The following ALOX5 variants were observed in gnomAD, a reference collection of about 807,000 sequenced individuals.
ALOX5 encodes the protein arachidonate 5-lipoxygenase, also known as polyunsaturated fatty acid 5-lipoxygenase.
A neutral mutation model predicts 87.9 loss-of-function variants in ALOX5; 64 were observed. That is an observed-to-expected ratio of 0.73 (90% confidence interval 0.60 to 0.90). The LOEUF (loss-of-function observed/expected upper bound fraction) is 0.90, where lower values mean the gene tolerates loss of function less well. ALOX5 is among the 40% of genes least tolerant of loss of function. The pLI, the probability that ALOX5 is intolerant of heterozygous loss-of-function variation, is 0.00. For synonymous variants in ALOX5, 388 were observed against 355.1 expected, an observed-to-expected ratio of 1.09 and a Z score of -1.04; for missense variants, 822 against 907.5, an observed-to-expected ratio of 0.91 and a Z score of 1.21.
intron 6 of ALOX5, chr10:45,428,307 CTCTT>C (rs1841800945): frequency 4.5e-6 from 2 of 448,546 alleles, no homozygotes; most frequent in Non-Finnish European, 8.0e-6. Flanking sequence ...TTCACCTAAC[CTCTT>C]TCTTCTTAGT....
intron 7 of ALOX5, among the ~76,000 whole-genome samples, chr10:45,429,562 G>T (rs1479753161): frequency 6.6e-6 from 1 of 152,194 alleles, no homozygotes; most frequent in African/African-American, 2.4e-5. Flanking sequence ...GAAAACTGCT[G>T]CATATTTCAA....
intron 4 of ALOX5, among the ~76,000 whole-genome samples, chr10:45,419,587 T>C (rs1339638564): frequency 1.3e-5 from 2 of 152,166 alleles, no homozygotes; most frequent in Admixed American, 6.5e-5. Context: ...TGAAGGGGGA[T>C]GATCGGTAGG....
intron 4 of ALOX5, 130 bp downstream of exon 4, chr10:45,412,443 T>C (rs1377993973): frequency 1.6e-6 from 2 of 1,253,516 alleles, no homozygotes; most frequent in East Asian, 2.4e-5. Flanking sequence ...AACGCTTTGA[T>C]GATATGTTGG....
chr10:45,375,880 C>T (rs892125880), intron 1 of ALOX5, among the ~76,000 whole-genome samples: 3 of 152,216 alleles, frequency 2.0e-5, no homozygotes, highest in Admixed American at 6.5e-5. Flanking sequence ...GTTAATGTGT[C>T]GTCCATTTAG....
intron 7 of ALOX5, among the ~76,000 whole-genome samples, chr10:45,436,280 GT>G (rs1220327486): frequency 2.6e-5 from 4 of 152,112 alleles, no homozygotes; most frequent in Non-Finnish European, 4.4e-5. Flanking sequence ...GTCAATTTTT[GT>G]TTTTGTTGCA....
intron 3 of ALOX5, among the ~76,000 whole-genome samples, chr10:45,397,372 C>T (rs935998214): frequency 2.6e-5 from 4 of 152,170 alleles, no homozygotes; most frequent in Non-Finnish European, 4.4e-5. Context: ...AGCAAGACTC[C>T]GTCCCCCCAC....
In ALOX5 at chr10:45,391,223, C is replaced by T. The variant is rs573343504; in HGVS notation, c.350-4632C>T. On this transcript the variant is annotated intron_variant, in intron 2 of 13. Transcript: ENST00000374391. ...TTCTCCTGCCTCAGCCTGCCGAGTG[C>T]CTGCGATTGCAGGTGCGCACCGCCA... 1.2e-3 allele frequency among the ~76,000 whole-genome samples: 188 copies of T among 152,178 alleles called. 1 individual carries two copies. In the South Asian group the frequency reaches 0.038, roughly 30 times the overall value.
intron 3 of ALOX5, among the ~76,000 whole-genome samples, chr10:45,399,897 C>G (rs1840639041): frequency 6.6e-6 from 1 of 152,112 alleles, no homozygotes; most frequent in African/African-American, 2.4e-5. Context: ...TGAAAATATG[C>G]TCAACATTAT....
intron 5 of ALOX5, 119 bp from the exon 6 acceptor site, chr10:45,424,841 G>C: frequency 8.0e-7 from 1 of 1,253,506 alleles, no homozygotes; most frequent in South Asian, 1.4e-5. Context: ...TGCCCATCCA[G>C]GGAGCACTCG....
chr10:45,388,214 C>T (rs1157252391), intron 2 of ALOX5, among the ~76,000 whole-genome samples: 2 of 152,240 alleles, frequency 1.3e-5, no homozygotes, highest in African/African-American at 4.8e-5. Flanking sequence ...GGGTGGAGCC[C>T]ATCGCAGCTC....
At chr10:45,417,347 C>G (rs1316519107) in intron 4 of ALOX5, among the ~76,000 whole-genome samples, 1 of 152,162 alleles carries the variant, frequency 6.6e-6, no homozygotes, top group Non-Finnish European at 1.5e-5. Context: ...AAGTCCAGCA[C>G]AGTTATATTT....
At chr10:45,435,945 AT>A (rs1216212079) in intron 7 of ALOX5, among the ~76,000 whole-genome samples, 1 of 151,968 alleles carries the variant, frequency 6.6e-6, no homozygotes, top group South Asian at 2.1e-4. Context: ...AACATCTGTC[AT>A]TTTTTTACTT....
chr10:45,426,508 TA>T (rs1259461998), intron 6 of ALOX5, among the ~76,000 whole-genome samples: 1 of 152,160 alleles, frequency 6.6e-6, no homozygotes, highest in Non-Finnish European at 1.5e-5. Flanking sequence ...TGTGGCCTAC[TA>T]AAAACGCCTC....
intron 2 of ALOX5, 21 bp from the exon 3 acceptor site, chr10:45,395,834 C>G (rs757556324): frequency 6.2e-7 from 1 of 1,610,536 alleles, no homozygotes; most frequent in Non-Finnish European, 8.5e-7. Flanking sequence ...AGGCTCCTCT[C>G]ATGTTGTTCT....
At chr10:45,380,540 C>T (rs764751031) in intron 1 of ALOX5, among the ~76,000 whole-genome samples, 30 of 152,314 alleles carry the variant, frequency 2.0e-4, no homozygotes, top group African/African-American at 6.7e-4. Context: ...TGCCTGCGCT[C>T]GCACAAAGGA....
chr10:45,427,922 G>T (rs1427373163), intron 6 of ALOX5, among the ~76,000 whole-genome samples: 1 of 152,100 alleles, frequency 6.6e-6, no homozygotes, highest in Non-Finnish European at 1.5e-5. Flanking sequence ...ATGACCCGCC[G>T]TGTCGCCAGT....
intron 2 of ALOX5, among the ~76,000 whole-genome samples, chr10:45,386,974 G>T: frequency 6.6e-6 from 1 of 152,174 alleles, no homozygotes; most frequent in East Asian, 1.9e-4. Flanking sequence ...AGGCTTAGAG[G>T]GAGGAGCAGA....
At position 45,440,646 on chromosome 10, in the gene ALOX5, A is replaced by AC. The variant is rs1262655795; in HGVS notation, c.1185+15dup. The AC allele has an allele frequency of 1.9e-6, 3 of 1,612,842 alleles. No homozygotes were observed. Among genetic ancestry groups the AC allele is most frequent in the Non-Finnish European group, 1.7e-6 (2 of 1,179,434 alleles). On this transcript the variant is annotated intron_variant, in intron 8 of 13. Transcript: ENST00000374391. ...CCCCATTTTCAAGGTACAGCCAGCT[A>AC]CCGCCCCACCTGCTATGGGAGGGCA... is the stretch of plus-strand genomic sequence containing the variant.
intron 4 of ALOX5, among the ~76,000 whole-genome samples, chr10:45,413,952 A>G (rs1349215452): frequency 6.6e-6 from 1 of 152,242 alleles, no homozygotes; most frequent in African/African-American, 2.4e-5. Context: ...ACACAAACAA[A>G]TGGAAGAACA....
Sources: allele counts gnomAD v4.1 joint callset (sites outside exome capture counted in the v4.1 genomes callset), GRCh38; gene constraint gnomAD v4.1.1; transcripts MANE v1.5; gene names NCBI Gene and HGNC (gene_info 2026-07-23, HGNC 2026-07-21).